RASGEF1A: variants seen among roughly 807,000 people sequenced by gnomAD.
RASGEF1A encodes ras-GEF domain-containing family member 1A.
A neutral mutation model predicts 56.4 loss-of-function variants in RASGEF1A; 18 were observed. The ratio of observed to expected loss-of-function variants is 0.32; its 90% confidence interval spans 0.22 to 0.47. RASGEF1A has a LOEUF of 0.47. RASGEF1A is among the 20% of genes least tolerant of loss of function. The pLI is 1.00. For missense variants in RASGEF1A, 422 were observed against 627.1 expected, an observed-to-expected ratio of 0.67 and a Z score of 3.49; for synonymous variants, 245 against 242.6, an observed-to-expected ratio of 1.01 and a Z score of -0.09.
intron 1 of RASGEF1A, among the ~76,000 whole-genome samples, chr10:43,256,164 GT>G (rs1246733833): frequency 6.6e-6 from 1 of 152,168 alleles, no homozygotes; most frequent in Non-Finnish European, 1.5e-5. Flanking sequence ...TGGCCACACT[GT>G]GCCCCACAAG....
At chr10:43,214,885 C>T (rs1308875673) in intron 1 of RASGEF1A, among the ~76,000 whole-genome samples, 3 of 152,180 alleles carry the variant, frequency 2.0e-5, no homozygotes, top group African/African-American at 7.2e-5. Flanking sequence ...GGAGACAGCC[C>T]GGAGAGGCCC....
Position 43,200,246 on chromosome 10 carries a change from C to T in RASGEF1A, c.692G>A (p.Ser231Asn), listed in dbSNP as rs1398859569. 6.2e-7 allele frequency: 1 copy of T among 1,605,590 alleles called. No individual in the cohort carries two copies. Among genetic ancestry groups the T allele is most frequent in the Non-Finnish European group, 8.5e-7 (1 of 1,175,448 alleles). Residue 231 changes from serine (S) to asparagine (N), a missense_variant, in exon 6 of 13, where the codon AGC becomes AAC. By Grantham distance (46) the Ser-to-Asn change is conservative (BLOSUM62 1). Transcript: ENST00000395810. ...CATCAAGTCCTCAGGGTAAATGCTG[C>T]TGACCCTGTCCTGGGGTGGAAGATA... The part of the protein sequence containing the change: ...QLTHIELDRV[S>N]SIYPEDLMQI...
chr10:43,203,918 GC>G (rs1839954674), intron 2 of RASGEF1A: 2 of 324,544 alleles, frequency 6.2e-6, no homozygotes, highest in Non-Finnish European at 8.7e-6. Context: ...CAGGGGCGGG[GC>G]CCCATCAGCA....
At chr10:43,254,592 C>CG (rs1476960837) in intron 1 of RASGEF1A, among the ~76,000 whole-genome samples, 1 of 152,200 alleles carries the variant, frequency 6.6e-6, no homozygotes, top group Non-Finnish European at 1.5e-5. Context: ...GGTCACAGCG[C>CG]AGTGACACCC....
chr10:43,202,665 C>T (rs1285606496), intron 3 of RASGEF1A: 1 of 466,014 alleles, frequency 2.1e-6, no homozygotes, highest in Non-Finnish European at 4.4e-6. Context: ...CACCACCCAG[C>T]CCGCAACTCT....
chr10:43,249,935 A>G (rs1468754114), intron 1 of RASGEF1A, among the ~76,000 whole-genome samples: 1 of 152,226 alleles, frequency 6.6e-6, no homozygotes, highest in Non-Finnish European at 1.5e-5. Context: ...AGCAAGATTT[A>G]AAAGCAAGAT....
intron 1 of RASGEF1A, among the ~76,000 whole-genome samples, chr10:43,230,830 A>G (rs1395547534): frequency 6.6e-6 from 1 of 152,104 alleles, no homozygotes; most frequent in African/African-American, 2.4e-5. Context: ...TAGCAGCAAG[A>G]GTACCTACTA....
intron 1 of RASGEF1A, among the ~76,000 whole-genome samples, chr10:43,215,982 G>A (rs1290394322): frequency 6.6e-6 from 1 of 152,210 alleles, no homozygotes; most frequent in Admixed American, 6.5e-5. Context: ...AAGCGCTGGC[G>A]CCAAAGCCTG....
In RASGEF1A at chr10:43,199,216, C is replaced by CA. The variant is rs778373775; in HGVS notation, c.850-23dup. On this transcript the variant is annotated intron_variant, in intron 7 of 12. Transcript: ENST00000395810. Reference sequence around the variant, plus strand: ...CCACCTGGAAGGTGGCAGGTGACCTCAGCATGGCGCTGCCGGGGGACAGCA... The same window carrying CA: ...CCACCTGGAAGGTGGCAGGTGACCTCAAGCATGGCGCTGCCGGGGGACAGCA... 11 of 1,569,562 alleles carry CA rather than the reference C, an allele frequency of 7.0e-6. No individual in the cohort carries two copies. In the South Asian group the frequency reaches 1.2e-4, roughly 18 times the overall value.
In RASGEF1A at chr10:43,223,620, A is replaced by C. The variant is rs552037200; in HGVS notation, c.-6-17498T>G. On this transcript the variant is annotated intron_variant, in intron 1 of 12. Coordinates refer to ENST00000395810, the MANE Select transcript of RASGEF1A (RefSeq NM_145313.4). ...AGAAGAAACTACTAAAAAGCAAATT[A>C]GATGACTTAATCAAAGAATAGAGTA... Among the ~76,000 whole-genome samples the C allele has an allele frequency of 3.3e-5, 5 of 152,372 alleles. No homozygotes were observed. In the South Asian group the frequency reaches 1.0e-3, roughly 32 times the overall value.
Position 43,208,351 on chromosome 10 carries a change from ACAGGGCAAGGCCACTCCATGTC to A in RASGEF1A, c.-6-2251_-6-2230del, listed in dbSNP as rs1290937232. 5.1e-5 allele frequency: 50 copies of A among 985,906 alleles called. No individual in the cohort carries two copies. The African/African-American group carries it at 7.3e-4, about 14-fold the overall frequency. The allele number at this position is 985,906 out of a possible 1,614,324, so 61.1% of individuals were successfully genotyped here. A position where few individuals can be genotyped will look rare whatever the true frequency, so the allele number is the denominator to read the frequency against. On this transcript the variant is annotated intron_variant, in intron 1 of 12. Transcript: ENST00000395810. Reference sequence around the variant, plus strand: ...CAAACTCAGCCCCAGCCGATCCCCCACAGGGCAAGGCCACTCCATGTCCAGCCTGCAGAGAGACCTGCCTCAG... The same window carrying A: ...CAAACTCAGCCCCAGCCGATCCCCCACAGCCTGCAGAGAGACCTGCCTCAG...
At chr10:43,231,176 C>T (rs1840361915) in intron 1 of RASGEF1A, among the ~76,000 whole-genome samples, 1 of 152,250 alleles carries the variant, frequency 6.6e-6, no homozygotes. Context: ...TGTTTCAGGC[C>T]AGCCAGAAGA....
chr10:43,220,008 C>G (rs1040833460), intron 1 of RASGEF1A, among the ~76,000 whole-genome samples: 2 of 152,178 alleles, frequency 1.3e-5, no homozygotes, highest in Admixed American at 1.3e-4. Context: ...CATGCTCAGT[C>G]TGGCAGCCTC....
intron 1 of RASGEF1A, among the ~76,000 whole-genome samples, chr10:43,216,586 C>T (rs923171799): frequency 6.6e-6 from 1 of 152,188 alleles, no homozygotes; most frequent in Non-Finnish European, 1.5e-5. Context: ...ATTTTGCCCC[C>T]CTCCTGGATA....
intron 1 of RASGEF1A, among the ~76,000 whole-genome samples, chr10:43,214,518 G>A (rs77351805): frequency 0.056 from 8,516 of 152,264 alleles, 619 homozygotes; most frequent in African/African-American, 0.17. Context: ...AGGAGCATCA[G>A]AAGGTGGCCC....
intron 1 of RASGEF1A, chr10:43,229,546 C>T: frequency 2.6e-6 from 3 of 1,146,950 alleles, no homozygotes; most frequent in Non-Finnish European, 3.6e-6. Flanking sequence ...CCGCACGGGT[C>T]GGGATGCAGG....
At chr10:43,258,105 G>C (rs1269490361) in intron 1 of RASGEF1A, among the ~76,000 whole-genome samples, 1 of 152,236 alleles carries the variant, frequency 6.6e-6, no homozygotes, top group African/African-American at 2.4e-5. Flanking sequence ...TCTATACTAG[G>C]TGGCTCACAG....
intron 6 of RASGEF1A, 119 bp downstream of exon 6, chr10:43,200,063 G>T: frequency 1.2e-6 from 1 of 804,884 alleles, no homozygotes; most frequent in Non-Finnish European, 2.0e-6. Flanking sequence ...CGGGGCTCAT[G>T]GCCCAGCACT....
intron 1 of RASGEF1A, among the ~76,000 whole-genome samples, chr10:43,258,776 T>C (rs1836474449): frequency 1.3e-5 from 2 of 152,238 alleles, no homozygotes; most frequent in East Asian, 1.9e-4. Context: ...TCATGCCTGG[T>C]GGGCTCTCAG....
Sources: gnomAD v4.1 joint callset for allele counts (sites outside exome capture counted in the v4.1 genomes callset) on GRCh38, gnomAD v4.1.1 for gene constraint, MANE v1.5 for transcripts, NCBI Gene and HGNC (gene_info 2026-07-23, HGNC 2026-07-21) for gene names.